Variants in PSMA1 observed in about 807,000 individuals in gnomAD.
PSMA1 encodes proteasome 20S subunit alpha 1, also known as proteasome subunit alpha type-1.
In PSMA1, 3 loss-of-function variants were observed where a neutral mutation model predicts 38.4. That is an observed-to-expected ratio of 0.08 (90% CI 0.04 to 0.20). The LOEUF is 0.20. Ranked by LOEUF, PSMA1 falls within the 10% of genes least tolerant of loss-of-function variation. The pLI is 1.00. For missense variants in PSMA1, 227 were observed against 325.3 expected, an observed-to-expected ratio of 0.70 and a Z score of 2.32; for synonymous variants, 101 against 107.1, an observed-to-expected ratio of 0.94 and a Z score of 0.35.
chr11:14,611,442 T>A (rs1294553997), intron 1 of PSMA1, among the ~76,000 whole-genome samples: 1 of 152,120 alleles, frequency 6.6e-6, no homozygotes, highest in Admixed American at 6.5e-5. Flanking sequence ...AAAATTGAGA[T>A]GAAAATTAGC....
chr11:14,533,266 G>A (rs1284821803), intron 2 of PSMA1, among the ~76,000 whole-genome samples: 2 of 152,166 alleles, frequency 1.3e-5, no homozygotes, highest in Non-Finnish European at 2.9e-5. Flanking sequence ...TATTATAGAA[G>A]TACCTGGAAT....
chr11:14,549,031 A>T (rs1851857421), intron 2 of PSMA1, among the ~76,000 whole-genome samples: 1 of 152,196 alleles, frequency 6.6e-6, no homozygotes, highest in Non-Finnish European at 1.5e-5. Flanking sequence ...GATTTTTTTA[A>T]AAAGCCCTGA....
chr11:14,514,274 A>C, intron 5 of PSMA1, 129 bp downstream of exon 5: 1 of 1,388,536 alleles, frequency 7.2e-7, no homozygotes, highest in Non-Finnish European at 9.3e-7. Flanking sequence ...TGAAAGAGCA[A>C]TCCAATTTGT....
intron 1 of PSMA1, among the ~76,000 whole-genome samples, chr11:14,638,535 CTCTCTCTCTCTATATATATATATA>C (rs1288698992): frequency 7.5e-3 from 192 of 25,578 alleles, no homozygotes; most frequent in Middle Eastern, 0.02. Flanking sequence ...CTCTCTCTCT[CTCTCTCTCTCTATATATATATATA>C]TATATATATA....
rs747973352 is a variant in PSMA1, at chr11:14,510,893, T to C, written c.603A>G (p.Ala201=). The C allele has an allele frequency of 9.9e-6, 16 of 1,608,368 alleles. No individual in the cohort carries two copies. Among genetic ancestry groups the C allele is most frequent in the Middle Eastern group, 3.3e-4 (2 of 6,008 alleles). Residue 201 remains alanine (A), a synonymous_variant, in exon 8 of 10, where the codon GCA becomes GCG. Transcript: ENST00000396394. ...TTACCTTTGTAGTCAGGTCCTGTTCTGCAGGAAGCGTCTCTCTTAAGGCAC... is the reference window on the plus strand; with the variant it reads ...TTACCTTTGTAGTCAGGTCCTGTTCCGCAGGAAGCGTCTCTCTTAAGGCAC... ...GLRALRETLP[A]EQDLTTKNVS...
At chr11:14,555,566 G>T (rs1282227986) in intron 2 of PSMA1, among the ~76,000 whole-genome samples, 1 of 152,122 alleles carries the variant, frequency 6.6e-6, no homozygotes, top group African/African-American at 2.4e-5. Context: ...CCCCACCTCT[G>T]TGTTTTGCTC....
intron 1 of PSMA1, among the ~76,000 whole-genome samples, chr11:14,630,120 T>C (rs1181312074): frequency 6.6e-6 from 1 of 152,132 alleles, no homozygotes; most frequent in Non-Finnish European, 1.5e-5. Context: ...AAAGGGACAA[T>C]TTGACTTCCT....
chr11:14,545,672 A>G (rs1279875982), intron 2 of PSMA1, among the ~76,000 whole-genome samples: 1 of 152,220 alleles, frequency 6.6e-6, no homozygotes, highest in East Asian at 1.9e-4. Context: ...ACATTAAATT[A>G]TAAGGTATAG....
At chr11:14,630,362 T>G (rs1325186706) in intron 1 of PSMA1, among the ~76,000 whole-genome samples, 4 of 152,052 alleles carry the variant, frequency 2.6e-5, no homozygotes, top group Admixed American at 6.6e-5. Flanking sequence ...TTATTGAGAG[T>G]TTTTAGCATG....
chr11:14,512,093 G>A (rs561849407), intron 7 of PSMA1, among the ~76,000 whole-genome samples: 13 of 152,226 alleles, frequency 8.5e-5, no homozygotes, highest in Non-Finnish European at 1.6e-4. Flanking sequence ...TTAAATACCT[G>A]GTTGGGTGTG....
At position 14,601,446 on chromosome 11, in the gene PSMA1, T is replaced by C. The variant is rs563410296; in HGVS notation, c.21+9520A>G. Among the ~76,000 whole-genome samples the C allele has an allele frequency of 2.8e-4, 42 of 152,316 alleles. No homozygotes were observed. In the South Asian group the frequency reaches 6.2e-3, roughly 23 times the overall value. ...TGAAACCCACCAAAGGCTGCCGTTC[T>C]TCCACCTCAAAACACAAATCTAGCT... On this transcript the variant is annotated intron_variant, in intron 2 of 10. Transcript: ENST00000418988.
At chr11:14,592,066 C>A (rs542902460) in intron 2 of PSMA1, among the ~76,000 whole-genome samples, 19 of 152,072 alleles carry the variant, frequency 1.2e-4, no homozygotes, top group Admixed American at 1.0e-3. Flanking sequence ...AGAGCTGTAA[C>A]ACTCACTGCG....
At chr11:14,508,125 G>A (rs1334284635) in intron 8 of PSMA1, among the ~76,000 whole-genome samples, 1 of 152,072 alleles carries the variant, frequency 6.6e-6, no homozygotes, top group Non-Finnish European at 1.5e-5. Context: ...CTTTATTAAT[G>A]ATCATTAACT....
At chr11:14,513,748 T>C (rs768379223) in intron 6 of PSMA1, 49 bp from the exon 7 acceptor site, 24 of 1,540,180 alleles carry the variant, frequency 1.6e-5, no homozygotes, top group Admixed American at 2.2e-5. Context: ...TTGGTTGAAC[T>C]AAAAATTATA....
At chr11:14,641,152 A>C (rs1035255668) in intron 1 of PSMA1, among the ~76,000 whole-genome samples, 9 of 152,054 alleles carry the variant, frequency 5.9e-5, no homozygotes, top group African/African-American at 1.9e-4. Flanking sequence ...CGTTCTGCAC[A>C]TGTATCCCAG....
At chr11:14,630,238 A>C in intron 1 of PSMA1, among the ~76,000 whole-genome samples, 1 of 151,282 alleles carries the variant, frequency 6.6e-6, no homozygotes, top group South Asian at 2.1e-4. Context: ...TCCCTGTCTT[A>C]TGCCAGTTTT....
intron 1 of PSMA1, chr11:14,520,045 T>A (rs927405003): frequency 3.3e-5 from 20 of 602,890 alleles, no homozygotes; most frequent in Non-Finnish European, 5.0e-5. Flanking sequence ...GGCGAACTCA[T>A]CTAGCTGACC....
chr11:14,574,334 T>G (rs1852186625), intron 2 of PSMA1, among the ~76,000 whole-genome samples: 1 of 152,184 alleles, frequency 6.6e-6, no homozygotes, highest in South Asian at 2.1e-4. Flanking sequence ...TCCCAGCCAC[T>G]CCAGCTCCAG....
At chr11:14,563,049 T>C (rs948167630) in intron 2 of PSMA1, among the ~76,000 whole-genome samples, 3 of 152,278 alleles carry the variant, frequency 2.0e-5, no homozygotes, top group African/African-American at 7.2e-5. Context: ...ATTACCTTTA[T>C]TGTGTCATTA....
Sources: allele counts gnomAD v4.1 joint callset (sites outside exome capture counted in the v4.1 genomes callset), GRCh38; gene constraint gnomAD v4.1.1; transcripts MANE v1.5; gene names NCBI Gene and HGNC (gene_info 2026-07-23, HGNC 2026-07-21).